The following ING3 variants were observed in gnomAD, a reference collection of about 807,000 sequenced individuals.
The protein encoded by ING3 is inhibitor of growth protein 3.
A neutral mutation model predicts 64.8 loss-of-function variants in ING3; 6 were observed. The observed-to-expected ratio is 0.09, with a 90% CI of 0.05 to 0.18. The LOEUF (loss-of-function observed/expected upper bound fraction) is 0.18. Among genes scored for constraint, ING3 ranks in the 10% least tolerant of loss-of-function variants. ING3 has a pLI of 1.00. For missense variants in ING3, 310 were observed against 489.7 expected (o/e 0.63, Z 3.46); for synonymous variants, 170 against 173.7 (o/e 0.98, Z 0.17).
chr7:120,955,199 G>A (rs574549637), intron 3 of ING3, among the ~76,000 whole-genome samples: 14 of 152,056 alleles, frequency 9.2e-5, no homozygotes, highest in East Asian at 3.9e-4. Flanking sequence ...GCCCAATCTC[G>A]GCTCACTGCA....
At chr7:120,953,246 T>C (rs941250843) in intron 2 of ING3, 58 bp from the exon 3 acceptor site, 37 of 986,738 alleles carry the variant, frequency 3.7e-5, no homozygotes, top group Non-Finnish European at 5.5e-5. Context: ...AATCAAACCA[T>C]GTATATTTAG....
Position 120,953,357 on chromosome 7 carries a change from A to G in ING3, c.154A>G (p.Lys52Glu), listed in dbSNP as rs1795796284. The G allele has an allele frequency of 1.2e-6, 2 of 1,608,082 alleles. No homozygotes were observed. The highest frequency in any genetic ancestry group is 1.3e-5 in the African/African-American group (1 of 74,620). ...CAGTGAATTCTTTATGAATGCAAAG[A>G]AAAATAAACCTGAGTGGAGGGAAGA... ...RVSEFFMNAK[K>E]NKPEWREEQM... The change falls in exon 3 of 12, where the codon AAA (lysine) becomes GAA (glutamate). Residue 52 changes from lysine to glutamate, a missense_variant. By Grantham distance (56) the Lys-to-Glu change is moderately conservative. Around this residue, in one of 3 missense-constraint regions of ING3, gnomAD observed 53 missense variants for 116.2 expected, o/e 0.46. Transcript: ENST00000315870.
intron 4 of ING3, among the ~76,000 whole-genome samples, chr7:120,962,244 T>C (rs1335157053): frequency 1.3e-5 from 2 of 152,158 alleles, no homozygotes; most frequent in African/African-American, 4.8e-5. Context: ...AGAAAAATAA[T>C]GCTCATTGCC....
intron 2 of ING3, 75 bp downstream of exon 2, chr7:120,951,310 C>T (rs983155034): frequency 2.2e-6 from 3 of 1,380,872 alleles, no homozygotes; most frequent in African/African-American, 2.8e-5. Flanking sequence ...ACTGCTAGCG[C>T]CTAGTGCTCT....
chr7:120,963,946 AT>A (rs1379335739), intron 4 of ING3, among the ~76,000 whole-genome samples: 1 of 152,158 alleles, frequency 6.6e-6, no homozygotes, highest in Non-Finnish European at 1.5e-5. Flanking sequence ...GAATTTGTGT[AT>A]TTTTTGGTTT....
At chr7:120,961,764 T>C (rs1027227680) in intron 4 of ING3, among the ~76,000 whole-genome samples, 2 of 152,162 alleles carry the variant, frequency 1.3e-5, no homozygotes, top group African/African-American at 2.4e-5. Flanking sequence ...TTAAAGCTGT[T>C]ATGATTTGGG....
At position 120,969,046 on chromosome 7, in the gene ING3, C is replaced by G; in HGVS notation, c.750C>G (p.Ala250=). The G allele has an allele frequency of 1.2e-6, 2 of 1,612,246 alleles. No individual in the cohort carries two copies. Among genetic ancestry groups the G allele is most frequent in the Non-Finnish European group, 1.7e-6 (2 of 1,179,052 alleles). ...KEGRRTSSLK[A]SYEAFKNNDF... The stretch of plus-strand genomic sequence containing the variant: ...GACGAAGAACATCAAGTTTAAAAGC[C>G]AGTTATGAAGCATTTAAGAATAATG... Residue 250 remains alanine, a synonymous_variant, in exon 9 of 12, where the codon GCC becomes GCG. Coordinates refer to ENST00000315870, the MANE Select transcript of ING3 (RefSeq NM_019071.3).
intron 6 of ING3, among the ~76,000 whole-genome samples, chr7:120,966,902 C>G (rs147530888): frequency 6.6e-5 from 10 of 151,872 alleles, no homozygotes; most frequent in Non-Finnish European, 2.9e-5. Flanking sequence ...CTCTTAAATG[C>G]GTAGAAGGAG....
chr7:120,956,235 G>A (rs879348901), intron 4 of ING3: 5 of 1,578,506 alleles, frequency 3.2e-6, no homozygotes, highest in Non-Finnish European at 4.3e-6. Flanking sequence ...TGCAATTGTG[G>A]TGCTCTTTTT....
At position 120,976,233 on chromosome 7, in the gene ING3, A is replaced by G. The variant is rs1192776058; in HGVS notation, c.*1389A>G. Reference sequence around the variant, plus strand: ...ACTTTTAAGATACTTAATATATCATATATATTTTATATTGAAACTTACTGG... The same window carrying G: ...ACTTTTAAGATACTTAATATATCATGTATATTTTATATTGAAACTTACTGG... On this transcript the variant is annotated 3_prime_UTR_variant, in exon 12 of 12. Coordinates refer to ENST00000315870, the MANE Select transcript of ING3 (RefSeq NM_019071.3). The G allele has an allele frequency of 6.6e-6, 1 of 152,204 alleles. No individual in the cohort carries two copies. The highest frequency in any genetic ancestry group is 1.5e-5 in the Non-Finnish European group (1 of 68,022). The allele number at this position is 152,204 out of a possible 1,614,324, so 9.4% of individuals were successfully genotyped here. A position where few individuals can be genotyped will look rare whatever the true frequency, so the allele number is the denominator to read the frequency against.
At chr7:120,960,982 A>G (rs960703087) in intron 4 of ING3, among the ~76,000 whole-genome samples, 2 of 152,170 alleles carry the variant, frequency 1.3e-5, no homozygotes, top group Admixed American at 1.3e-4. Flanking sequence ...GCAGTGCTCA[A>G]TACCCTTGAA....
chr7:120,966,540 G>A, intron 5 of ING3, 86 bp from the exon 6 acceptor site: 1 of 979,364 alleles, frequency 1.0e-6, no homozygotes, highest in Non-Finnish European at 1.7e-6. Context: ...GCTGGGTAAG[G>A]GAACTCATTG....
intron 3 of ING3, 93 bp downstream of exon 3, chr7:120,953,497 G>A (rs1258446857): frequency 1.9e-5 from 14 of 725,630 alleles, no homozygotes; most frequent in African/African-American, 1.8e-5. Context: ...ATATCAAAAT[G>A]AGAGAATATT....
chr7:120,954,292 G>A (rs956179952), intron 3 of ING3, among the ~76,000 whole-genome samples: 9 of 152,128 alleles, frequency 5.9e-5, no homozygotes, highest in Non-Finnish European at 1.2e-4. Flanking sequence ...TGGGCGTGGT[G>A]GTGGGCGCCT....
chr7:120,973,176 A>T, intron 10 of ING3, 29 bp from the exon 11 acceptor site: 1 of 1,323,342 alleles, frequency 7.6e-7, no homozygotes, highest in Non-Finnish European at 1.1e-6. Flanking sequence ...ACATAGTCAT[A>T]ATAAAGACAT....
chr7:120,963,455 C>A (rs965852446), intron 4 of ING3, among the ~76,000 whole-genome samples: 1 of 147,958 alleles, frequency 6.8e-6, no homozygotes, highest in Non-Finnish European at 1.5e-5. Flanking sequence ...AAAAAAAAAA[C>A]AGTTGTTTTC....
intron 9 of ING3, among the ~76,000 whole-genome samples, chr7:120,970,348 C>G (rs925730186): frequency 1.3e-5 from 2 of 151,762 alleles, no homozygotes; most frequent in Admixed American, 6.6e-5. Flanking sequence ...GCCTGTAGTC[C>G]CAGCTACTCG....
At position 120,976,053 on chromosome 7, in the gene ING3, A is replaced by T. The variant is rs995664818; in HGVS notation, c.*1209A>T. 1.3e-5 allele frequency: 2 copies of T among 152,156 alleles called. No homozygotes were observed. The highest frequency in any genetic ancestry group is 6.6e-5 in the Admixed American group (1 of 15,256). 9.4% of individuals were successfully genotyped at this position (152,156 alleles called of 1,614,324 possible). On this transcript the variant is annotated 3_prime_UTR_variant, in exon 12 of 12. Transcript: ENST00000315870. ...TCTACCACTTACTGATATGACAGTT[A>T]ATTCAAATTTTGTATCACTCTGGGC...
intron 11 of ING3, among the ~76,000 whole-genome samples, chr7:120,974,432 T>C (rs1451519541): frequency 6.6e-6 from 1 of 152,144 alleles, no homozygotes; most frequent in Non-Finnish European, 1.5e-5. Context: ...CCCACTTCTT[T>C]TTGCCCTTGA....
Sources: allele counts gnomAD v4.1 joint callset (sites outside exome capture counted in the v4.1 genomes callset), GRCh38; gene constraint gnomAD v4.1.1; regional missense constraint gnomAD v4.1.1; transcripts MANE v1.5; gene names NCBI Gene and HGNC (gene_info 2026-07-23, HGNC 2026-07-21).